The following MDGA2 variants were observed in gnomAD, a reference collection of about 807,000 sequenced individuals.
MDGA2 encodes MAM domain-containing glycosylphosphatidylinositol anchor protein 2.
MDGA2 carries 40 observed loss-of-function variants against 117.8 expected under a neutral mutation model. The observed-to-expected ratio is 0.34, with a 90% CI of 0.26 to 0.44. The LOEUF (loss-of-function observed/expected upper bound fraction) is 0.44, where lower values mean the gene tolerates loss of function less well. MDGA2 is among the 20% of genes least tolerant of loss of function. The pLI, the probability that MDGA2 is intolerant of heterozygous loss-of-function variation, is 1.00. For missense variants in MDGA2, 1,123 were observed against 1,250.6 expected (o/e 0.90, Z 1.54); for synonymous variants, 452 against 439.0 (o/e 1.03, Z -0.37).
intron 1 of MDGA2, among the ~76,000 whole-genome samples, chr14:47,457,606 A>G (rs1249552518): frequency 6.6e-6 from 1 of 152,168 alleles, no homozygotes; most frequent in Non-Finnish European, 1.5e-5. Flanking sequence ...TATGACTTGT[A>G]TTCTACAATG....
At chr14:47,202,580 T>A (rs1174227773) in intron 3 of MDGA2, among the ~76,000 whole-genome samples, 1 of 152,202 alleles carries the variant, frequency 6.6e-6, no homozygotes, top group Non-Finnish European at 1.5e-5. Flanking sequence ...GCTCTGACTT[T>A]GTGTCAGCCA....
chr14:47,493,035 A>C (rs1296610571), intron 1 of MDGA2, among the ~76,000 whole-genome samples: 1 of 152,000 alleles, frequency 6.6e-6, no homozygotes, highest in Non-Finnish European at 1.5e-5. Context: ...TTAAAAAATC[A>C]TTCTAATAAT....
chr14:47,238,099 G>A (rs1364211770), intron 2 of MDGA2, among the ~76,000 whole-genome samples: 1 of 152,108 alleles, frequency 6.6e-6, no homozygotes, highest in African/African-American at 2.4e-5. Context: ...ACTCTTTGCT[G>A]TCTCTCTTCT....
chr14:47,333,875 G>C (rs1001599708), intron 1 of MDGA2, among the ~76,000 whole-genome samples: 9 of 151,754 alleles, frequency 5.9e-5, no homozygotes. Context: ...TATATTTGTA[G>C]TAGTAGTTTT....
intron 2 of MDGA2, among the ~76,000 whole-genome samples, chr14:47,248,300 G>T (rs1057179170): frequency 6.6e-6 from 1 of 151,568 alleles, no homozygotes; most frequent in South Asian, 2.1e-4. Context: ...AGAAACATCA[G>T]ACGGAATAAT....
At chr14:47,072,102 G>GGA (rs1555349464) in intron 6 of MDGA2, among the ~76,000 whole-genome samples, 1 of 34,318 alleles carries the variant, frequency 2.9e-5, no homozygotes, top group Non-Finnish European at 6.3e-5. Context: ...GTTGTTGTTT[G>GGA]GGGGGGGGGG....
chr14:46,955,893 A>G (rs993592462), intron 9 of MDGA2, among the ~76,000 whole-genome samples: 1 of 152,134 alleles, frequency 6.6e-6, no homozygotes, highest in Non-Finnish European at 1.5e-5. Context: ...TTAAAAATAT[A>G]TGGATCTTTG....
At chr14:47,167,878 C>G (rs953632069) in intron 3 of MDGA2, among the ~76,000 whole-genome samples, 3 of 152,106 alleles carry the variant, frequency 2.0e-5, no homozygotes, top group Non-Finnish European at 4.4e-5. Context: ...GTGACTGCTG[C>G]CTGTGTAATG....
At chr14:47,568,470 T>C (rs1895959217) in intron 1 of MDGA2, among the ~76,000 whole-genome samples, 1 of 152,170 alleles carries the variant, frequency 6.6e-6, no homozygotes, top group African/African-American at 2.4e-5. Context: ...TAAAAGAGCA[T>C]TTTCTTCACA....
chr14:46,982,705 C>CAAAAAAAAAAAAAAAA (rs59530070), intron 8 of MDGA2, among the ~76,000 whole-genome samples: 13 of 45,936 alleles, frequency 2.8e-4, no homozygotes, highest in African/African-American at 1.1e-3. Flanking sequence ...GAGACTCCAT[C>CAAAAAAAAAAAAAAAA]AAAAAAAAAA....
chr14:47,533,690 G>C (rs561837861), intron 1 of MDGA2, among the ~76,000 whole-genome samples: 1 of 152,184 alleles, frequency 6.6e-6, no homozygotes, highest in Admixed American at 6.5e-5. Context: ...ACTGTGTCAC[G>C]GTATCCTCCT....
chr14:46,920,105 G>C lies in MDGA2; in HGVS notation c.2145C>G (p.Asn715Lys), dbSNP rs775418028. The part of the protein sequence containing the change: ...YYDTYNPVWQ[N>K]RHRVYSYSLQ... ...GACTGTAAGAATAAACACGGTGTCTGTTCTGCCATACTGGATTGTAGGTAT... is the reference window on the plus strand; with the variant it reads ...GACTGTAAGAATAAACACGGTGTCTCTTCTGCCATACTGGATTGTAGGTAT... Residue 715 changes from asparagine to lysine, a missense_variant, in exon 10 of 17, where the codon AAC (asparagine) becomes AAG (lysine). Transcript: ENST00000399232. 3.7e-6 allele frequency: 6 copies of C among 1,611,620 alleles called. No homozygotes were observed. The highest frequency in any genetic ancestry group is 1.3e-5 in the African/African-American group (1 of 74,856).
At chr14:47,547,430 C>A (rs1245765300) in intron 1 of MDGA2, among the ~76,000 whole-genome samples, 1 of 152,176 alleles carries the variant, frequency 6.6e-6, no homozygotes, top group African/African-American at 2.4e-5. Flanking sequence ...AACATGATTT[C>A]TCCAACTTCC....
chr14:47,496,538 C>T (rs999008884), intron 1 of MDGA2, among the ~76,000 whole-genome samples: 1 of 152,016 alleles, frequency 6.6e-6, no homozygotes, highest in Non-Finnish European at 1.5e-5. Context: ...GCCACCTTGC[C>T]CAGGCCCCTG....
intron 8 of MDGA2, among the ~76,000 whole-genome samples, chr14:46,974,889 T>C (rs1453096983): frequency 6.6e-6 from 1 of 151,868 alleles, no homozygotes; most frequent in Non-Finnish European, 1.5e-5. Flanking sequence ...AAGTTGTGCA[T>C]TAAAGTAGCA....
intron 1 of MDGA2, among the ~76,000 whole-genome samples, chr14:47,473,796 T>C (rs1025579400): frequency 3.9e-5 from 6 of 152,062 alleles, no homozygotes; most frequent in Admixed American, 1.3e-4. Context: ...AAACTCTCAA[T>C]AAACTAGATA....
chr14:47,321,282 G>C (rs1418792910), intron 1 of MDGA2, among the ~76,000 whole-genome samples: 2 of 152,186 alleles, frequency 1.3e-5, no homozygotes, highest in African/African-American at 4.8e-5. Flanking sequence ...ATTAAGAAAA[G>C]AGCTTGGTTG....
At chr14:47,167,201 G>A (rs1883920380) in intron 3 of MDGA2, among the ~76,000 whole-genome samples, 1 of 151,728 alleles carries the variant, frequency 6.6e-6, no homozygotes, top group Admixed American at 6.6e-5. Flanking sequence ...TATTATTGCT[G>A]AAGTTGATAC....
At chr14:47,143,627 A>C (rs1375855426) in intron 4 of MDGA2, among the ~76,000 whole-genome samples, 3 of 152,216 alleles carry the variant, frequency 2.0e-5, no homozygotes, top group Non-Finnish European at 4.4e-5. Flanking sequence ...AACATGACTA[A>C]AGGAAATTAA....
Sources: gnomAD v4.1 joint callset for allele counts (sites outside exome capture counted in the v4.1 genomes callset) on GRCh38, gnomAD v4.1.1 for gene constraint, MANE v1.5 for transcripts, NCBI Gene and HGNC (gene_info 2026-07-23, HGNC 2026-07-21) for gene names.